RAD23B: variants seen among roughly 807,000 people sequenced by gnomAD.
The protein encoded by RAD23B is RAD23 nucleotide excision repair protein B.
Under a neutral mutation model 49.1 loss-of-function variants are expected in RAD23B, and 5 were observed. The observed-to-expected ratio is 0.10, with a 90% CI of 0.05 to 0.21. The LOEUF (loss-of-function observed/expected upper bound fraction) is 0.21. Ranked by LOEUF, RAD23B falls within the 10% of genes least tolerant of loss-of-function variation. The probability of loss-of-function intolerance (pLI) is 1.00; values close to 1 mark genes in which losing one functional copy is unlikely to be tolerated. For missense variants in RAD23B, 356 were observed against 486.7 expected (o/e 0.73, Z 2.53); for synonymous variants, 184 against 165.4 (o/e 1.11, Z -0.86).
intron 6 of RAD23B, among the ~76,000 whole-genome samples, chr9:107,319,385 C>T (rs1446434683): frequency 6.6e-6 from 1 of 152,086 alleles, no homozygotes; most frequent in Non-Finnish European, 1.5e-5. Context: ...CCGCCTCAGC[C>T]TCCCAAAGTG....
chr9:107,321,160 T>TAAAA (rs1490505910), intron 6 of RAD23B, among the ~76,000 whole-genome samples: 1 of 152,178 alleles, frequency 6.6e-6, no homozygotes, highest in African/African-American at 2.4e-5. Context: ...AGGCATCACC[T>TAAAA]AAAAACTAAA....
intron 4 of RAD23B, among the ~76,000 whole-genome samples, chr9:107,308,164 A>G (rs746300313): frequency 1.4e-4 from 21 of 151,410 alleles, no homozygotes; most frequent in Non-Finnish European, 2.4e-4. Context: ...GAGTTGATCA[A>G]TACATTTTAA....
chr9:107,320,936 A>G (rs997439890), intron 6 of RAD23B, among the ~76,000 whole-genome samples: 32 of 152,152 alleles, frequency 2.1e-4, no homozygotes, highest in African/African-American at 7.5e-4. Context: ...CTTCTGGTTT[A>G]TTAGGGAATG....
chr9:107,298,474 ATTTTTTTTTTTTTTTTT>A (rs35923233), intron 1 of RAD23B, among the ~76,000 whole-genome samples: 2 of 53,124 alleles, frequency 3.8e-5, no homozygotes, highest in Admixed American at 2.7e-4. Flanking sequence ...TGCTTGGCTA[ATTTTTTTTTTTTTTTTT>A]TTTTTTTTTT....
chr9:107,311,464 T>C (rs919628048), intron 4 of RAD23B, among the ~76,000 whole-genome samples: 2 of 152,156 alleles, frequency 1.3e-5, no homozygotes, highest in African/African-American at 4.8e-5. Context: ...AGTCTCAGAA[T>C]AGAAGGAGTA....
At position 107,283,532 on chromosome 9, in the gene RAD23B, G is replaced by A; in HGVS notation, c.-98G>A. The A allele has an allele frequency of 1.1e-6, 1 of 885,988 alleles. No homozygotes were observed. The highest frequency in any genetic ancestry group is 2.8e-5 in the South Asian group (1 of 35,410). 54.9% of individuals were successfully genotyped at this position (885,988 alleles called of 1,614,324 possible). ...CCCACCGCCTTCCTCCCCAGAGCGC[G>A]AGGAGCGCGGGCGACCCCGGGGCCC... is the stretch of plus-strand genomic sequence containing the variant. On this transcript the variant is annotated 5_prime_UTR_variant, in exon 1 of 10. Transcript: ENST00000358015.
intron 1 of RAD23B, among the ~76,000 whole-genome samples, chr9:107,298,474 ATTTTTTTTT>A (rs35923233): frequency 1.1e-4 from 6 of 53,124 alleles, no homozygotes; most frequent in South Asian, 6.6e-4. Context: ...TGCTTGGCTA[ATTTTTTTTT>A]TTTTTTTTTT....
intron 5 of RAD23B, among the ~76,000 whole-genome samples, chr9:107,313,591 A>G (rs1826931920): frequency 6.6e-6 from 1 of 152,208 alleles, no homozygotes; most frequent in Non-Finnish European, 1.5e-5. Flanking sequence ...TCTAGGTCAT[A>G]GTTCAAAGTT....
intron 4 of RAD23B, among the ~76,000 whole-genome samples, chr9:107,309,497 A>G (rs1354030679): frequency 6.6e-6 from 1 of 152,220 alleles, no homozygotes; most frequent in Admixed American, 6.5e-5. Flanking sequence ...AAAGAAGGCA[A>G]GCGTTGACAT....
At chr9:107,323,851 T>C (rs754861131) in intron 7 of RAD23B, 39 bp from the exon 8 acceptor site, 1 of 1,521,104 alleles carries the variant, frequency 6.6e-7, no homozygotes, top group Admixed American at 1.7e-5. Flanking sequence ...TGTGTATGTA[T>C]TTACTGCTTT....
intron 1 of RAD23B, among the ~76,000 whole-genome samples, chr9:107,291,952 T>G (rs964957895): frequency 6.6e-6 from 1 of 152,196 alleles, no homozygotes; most frequent in African/African-American, 2.4e-5. Context: ...TTCCCTAAAT[T>G]ACTCAAGTAA....
chr9:107,284,151 A>G (rs1833223033), intron 1 of RAD23B: 2 of 956,128 alleles, frequency 2.1e-6, no homozygotes, highest in East Asian at 1.1e-4. Context: ...GAGCCTTAAG[A>G]AAAAAAAAAG....
intron 4 of RAD23B, among the ~76,000 whole-genome samples, chr9:107,307,415 C>T (rs1226046090): frequency 6.6e-6 from 1 of 152,182 alleles, no homozygotes; most frequent in African/African-American, 2.4e-5. Flanking sequence ...AGTCAGAGTT[C>T]TCTTGGTTGG....
chr9:107,311,803 A>T (rs185512550), intron 5 of RAD23B, 66 bp downstream of exon 5: 1 of 1,217,076 alleles, frequency 8.2e-7, no homozygotes, highest in East Asian at 2.6e-5. Context: ...ACTTTTCTAG[A>T]TCATGATAAA....
intron 4 of RAD23B, among the ~76,000 whole-genome samples, chr9:107,309,787 T>C (rs1020551614): frequency 6.6e-6 from 1 of 151,892 alleles, no homozygotes; most frequent in African/African-American, 2.4e-5. Flanking sequence ...AAAAATTAGC[T>C]GGGCGTGGTG....
chr9:107,290,334 TTCA>T (rs931509690), intron 1 of RAD23B, among the ~76,000 whole-genome samples: 3 of 152,202 alleles, frequency 2.0e-5, no homozygotes, highest in East Asian at 1.9e-4. Flanking sequence ...ATCTTTTCTC[TTCA>T]TCACTGATTT....
intron 1 of RAD23B, among the ~76,000 whole-genome samples, chr9:107,285,239 AT>A (rs1833252869): frequency 6.6e-6 from 1 of 152,224 alleles, no homozygotes; most frequent in Non-Finnish European, 1.5e-5. Flanking sequence ...TCTCTTGAAT[AT>A]TTCTTTACTG....
chr9:107,324,748 TC>T (rs11573722), intron 8 of RAD23B, 85 bp from the exon 9 acceptor site: 251,868 of 1,328,704 alleles, frequency 0.19, 25,703 homozygotes, highest in Admixed American at 0.27. Context: ...TGTAGCCTTT[TC>T]TCTTAGTAAT....
chr9:107,331,263 G>T lies in RAD23B; in HGVS notation c.*1607G>T, dbSNP rs1338484679. Reference sequence around the variant, plus strand: ...CATGCCTATAATCCCAGCACTTTGGGAGGCCGAGGTGGGCAGATCACTTGA... The same window carrying T: ...CATGCCTATAATCCCAGCACTTTGGTAGGCCGAGGTGGGCAGATCACTTGA... On this transcript the variant is annotated 3_prime_UTR_variant, in exon 10 of 10. Transcript: ENST00000358015. 1 of 159,892 alleles carries T rather than the reference G, an allele frequency of 6.3e-6. No homozygotes were observed. 9.9% of individuals were successfully genotyped at this position (159,892 alleles called of 1,614,324 possible). A position where few individuals can be genotyped will look rare whatever the true frequency, so the allele number is the denominator to read the frequency against.
Sources: gnomAD v4.1 joint callset for allele counts (sites outside exome capture counted in the v4.1 genomes callset) on GRCh38, gnomAD v4.1.1 for gene constraint, MANE v1.5 for transcripts, NCBI Gene and HGNC (gene_info 2026-07-23, HGNC 2026-07-21) for gene names.